TNKS: variants seen among roughly 807,000 people sequenced by gnomAD.
The protein encoded by TNKS is tankyrase.
In TNKS, 72 loss-of-function variants were observed where a neutral mutation model predicts 135.8. The ratio of observed to expected loss-of-function variants is 0.53; its 90% confidence interval spans 0.44 to 0.64. The LOEUF (loss-of-function observed/expected upper bound fraction) is 0.64, where lower values mean the gene tolerates loss of function less well. Ranked by LOEUF, TNKS falls within the 30% of genes least tolerant of loss-of-function variation. The pLI is 0.00. For synonymous variants in TNKS, 849 were observed against 649.3 expected (o/e 1.31, Z -4.68); for missense variants, 1,769 against 1,674.0 (o/e 1.06, Z -0.99).
At chr8:9,744,512 C>A (rs935840600) in intron 17 of TNKS, among the ~76,000 whole-genome samples, 11 of 152,158 alleles carry the variant, frequency 7.2e-5, no homozygotes, top group African/African-American at 2.2e-4. Flanking sequence ...AAAAGCTTCC[C>A]AGTCTTTTTA....
At chr8:9,610,178 T>C (rs1171811550) in intron 2 of TNKS, among the ~76,000 whole-genome samples, 1 of 77,636 alleles carries the variant, frequency 1.3e-5, no homozygotes, top group South Asian at 4.3e-4. Context: ...TAGTTACTGT[T>C]AGTGGTAAAT....
chr8:9,614,593 T>C (rs566414030), intron 2 of TNKS, among the ~76,000 whole-genome samples: 1 of 152,328 alleles, frequency 6.6e-6, no homozygotes, highest in East Asian at 1.9e-4. Context: ...TGCTAAAGAA[T>C]GTATGTGCTT....
At chr8:9,772,762 A>ATGTATATAACTTGT (rs1248726464) in intron 26 of TNKS, among the ~76,000 whole-genome samples, 1 of 150,654 alleles carries the variant, frequency 6.6e-6, no homozygotes, top group East Asian at 1.9e-4. Flanking sequence ...GACCATGATG[A>ATGTATATAACTTGT]TGTATATAAC....
At chr8:9,673,098 C>T (rs1434623215) in intron 3 of TNKS, among the ~76,000 whole-genome samples, 1 of 152,034 alleles carries the variant, frequency 6.6e-6, no homozygotes, top group African/African-American at 2.4e-5. Context: ...TTTATTGAGA[C>T]ACCTATTGAT....
Position 9,736,021 on chromosome 8 carries a change from G to A in TNKS, c.2643+535G>A, listed in dbSNP as rs148540049. On this transcript the variant is annotated intron_variant, in intron 17 of 26. Transcript: ENST00000310430. ...TTTTATTGCTTTTTGGTCTCAGCAC[G>A]TTATCAAGCACAATAATAGGCATGT... 9.9e-3 allele frequency among the ~76,000 whole-genome samples: 1,496 copies of A among 151,182 alleles called. 22 individuals are homozygous for A. The highest frequency in any genetic ancestry group is 0.034 in the African/African-American group (1,403 of 41,268).
In TNKS at chr8:9,677,588, C is replaced by CT. The variant is rs572303095; in HGVS notation, c.995-2353dup. ...TTAAAATGTAGACTGTCAGAATTTACTTTTTTTTTTGCCCACCTTCCTCTC... is the reference window on the plus strand; with the variant it reads ...TTAAAATGTAGACTGTCAGAATTTACTTTTTTTTTTTGCCCACCTTCCTCTC... On this transcript the variant is annotated intron_variant, in intron 3 of 26. Coordinates refer to ENST00000310430, the MANE Select transcript of TNKS (RefSeq NM_003747.3). Among the ~76,000 whole-genome samples, 375 of 148,558 alleles carry CT rather than the reference C, an allele frequency of 2.5e-3. 1 individual carries two copies. Among genetic ancestry groups the CT allele is most frequent in the Admixed American group, 3.2e-3 (47 of 14,854 alleles).
intron 3 of TNKS, among the ~76,000 whole-genome samples, chr8:9,630,594 A>G (rs908998136): frequency 1.3e-5 from 2 of 152,216 alleles, no homozygotes; most frequent in Non-Finnish European, 2.9e-5. Context: ...TAATGGGGGG[A>G]AAACACTTCT....
At chr8:9,598,289 C>T (rs978575019) in intron 2 of TNKS, among the ~76,000 whole-genome samples, 38 of 152,040 alleles carry the variant, frequency 2.5e-4, no homozygotes, top group African/African-American at 4.1e-4. Context: ...CCTCGTGATC[C>T]GCCTGCCTCG....
chr8:9,669,085 G>A (rs1198840377), intron 3 of TNKS, among the ~76,000 whole-genome samples: 2 of 152,050 alleles, frequency 1.3e-5, no homozygotes, highest in Non-Finnish European at 2.9e-5. Flanking sequence ...TATAGGAGGT[G>A]GGTGAAAGAA....
chr8:9,659,086 A>G (rs1801568713), intron 3 of TNKS, among the ~76,000 whole-genome samples: 1 of 152,234 alleles, frequency 6.6e-6, no homozygotes, highest in Admixed American at 6.5e-5. Context: ...TTCATAAAGC[A>G]AGTCCTTAGT....
At chr8:9,757,713 C>T (rs1014186587) in intron 20 of TNKS, among the ~76,000 whole-genome samples, 1 of 152,214 alleles carries the variant, frequency 6.6e-6, no homozygotes, top group African/African-American at 2.4e-5. Context: ...GGTTAGCACT[C>T]TGTTTCATGG....
At chr8:9,654,310 T>C (rs192745842) in intron 3 of TNKS, among the ~76,000 whole-genome samples, 7 of 152,242 alleles carry the variant, frequency 4.6e-5, no homozygotes, top group Non-Finnish European at 8.8e-5. Flanking sequence ...TTTAGATTTA[T>C]ATTTTCTATA....
chr8:9,642,242 G>C (rs1429247071), intron 3 of TNKS, among the ~76,000 whole-genome samples: 1 of 146,388 alleles, frequency 6.8e-6, no homozygotes, highest in Non-Finnish European at 1.5e-5. Flanking sequence ...TACTCAAAAT[G>C]AATGTGTCGT....
chr8:9,778,817 TTTTAG>T lies in TNKS; in HGVS notation c.*2084_*2088del, dbSNP rs1214257082. The T allele has an allele frequency of 1.3e-5, 2 of 152,212 alleles. No homozygotes were observed. Among genetic ancestry groups the T allele is most frequent in the Non-Finnish European group, 2.9e-5 (2 of 68,034 alleles). The allele number at this position is 152,212 out of a possible 1,614,324, so 9.4% of individuals were successfully genotyped here. A position where few individuals can be genotyped will look rare whatever the true frequency, so the allele number is the denominator to read the frequency against. On this transcript the variant is annotated 3_prime_UTR_variant, in exon 27 of 27. Coordinates refer to ENST00000310430, the MANE Select transcript of TNKS (RefSeq NM_003747.3). Reference sequence around the variant, plus strand: ...TTAAAATGGTAAACACAGCTGTGATTTTTAGTTAAGTAAAAGAGTTAATATGATAT... The same window carrying T: ...TTAAAATGGTAAACACAGCTGTGATTTTAAGTAAAAGAGTTAATATGATAT...
intron 2 of TNKS, among the ~76,000 whole-genome samples, chr8:9,586,466 T>C (rs1314067226): frequency 6.6e-6 from 1 of 152,158 alleles, no homozygotes; most frequent in African/African-American, 2.4e-5. Flanking sequence ...TGTTATAAAA[T>C]TATATTTTAT....
chr8:9,663,395 T>A (rs1416104961), intron 3 of TNKS, among the ~76,000 whole-genome samples: 1 of 152,248 alleles, frequency 6.6e-6, no homozygotes, highest in African/African-American at 2.4e-5. Flanking sequence ...TGTATATGTA[T>A]GTGTAAAGGA....
At chr8:9,569,937 C>G (rs1797694823) in intron 1 of TNKS, among the ~76,000 whole-genome samples, 1 of 151,938 alleles carries the variant, frequency 6.6e-6, no homozygotes, top group Non-Finnish European at 1.5e-5. Flanking sequence ...CTTTTCAAAT[C>G]TATTGCCTTA....
At chr8:9,711,451 T>C (rs1470002208) in intron 11 of TNKS, among the ~76,000 whole-genome samples, 1 of 152,196 alleles carries the variant, frequency 6.6e-6, no homozygotes, top group Non-Finnish European at 1.5e-5. Flanking sequence ...TCCTAAATGG[T>C]AGAACTTTTA....
At chr8:9,661,455 A>C (rs1801705411) in intron 3 of TNKS, among the ~76,000 whole-genome samples, 1 of 152,128 alleles carries the variant, frequency 6.6e-6, no homozygotes, top group Admixed American at 6.5e-5. Flanking sequence ...CTGATTTTTG[A>C]CAAGCCTGAC....
Sources: gnomAD v4.1 joint callset for allele counts (sites outside exome capture counted in the v4.1 genomes callset) on GRCh38, gnomAD v4.1.1 for gene constraint, MANE v1.5 for transcripts, NCBI Gene and HGNC (gene_info 2026-07-23, HGNC 2026-07-21) for gene names.